The following PPP2R2A variants were observed in gnomAD, a reference collection of about 807,000 sequenced individuals.
The protein encoded by PPP2R2A is protein phosphatase 2 regulatory subunit Balpha, also known as serine/threonine-protein phosphatase 2A 55 kDa regulatory subunit B alpha isoform.
PPP2R2A carries 9 observed loss-of-function variants against 53.2 expected under a neutral mutation model. The observed-to-expected ratio is 0.17, with a 90% CI of 0.10 to 0.30. PPP2R2A has a LOEUF of 0.30. Ranked by LOEUF, PPP2R2A falls within the 10% of genes least tolerant of loss-of-function variation. The pLI, the probability that PPP2R2A is intolerant of heterozygous loss-of-function variation, is 1.00. For synonymous variants in PPP2R2A, 169 were observed against 174.2 expected, an observed-to-expected ratio of 0.97 and a Z score of 0.23; for missense variants, 235 against 534.6, an observed-to-expected ratio of 0.44 and a Z score of 5.53.
chr8:26,356,516 C>T (rs1804790965), intron 4 of PPP2R2A, among the ~76,000 whole-genome samples: 1 of 152,138 alleles, frequency 6.6e-6, no homozygotes, highest in Non-Finnish European at 1.5e-5. Context: ...ACAGTTTATT[C>T]CTGTCATATG....
At chr8:26,319,920 A>G (rs1039790518) in intron 2 of PPP2R2A, among the ~76,000 whole-genome samples, 4 of 152,086 alleles carry the variant, frequency 2.6e-5, no homozygotes, top group Non-Finnish European at 5.9e-5. Context: ...TTTTGATGCT[A>G]CTGTGAATGG....
chr8:26,316,579 G>A (rs1009405407), intron 2 of PPP2R2A, among the ~76,000 whole-genome samples: 8 of 152,142 alleles, frequency 5.3e-5, no homozygotes, highest in African/African-American at 1.9e-4. Flanking sequence ...ATTTGTCAAA[G>A]ACCTTTTGGG....
chr8:26,353,856 G>A (rs899849380), intron 3 of PPP2R2A, among the ~76,000 whole-genome samples: 5 of 152,192 alleles, frequency 3.3e-5, no homozygotes, highest in African/African-American at 1.2e-4. Flanking sequence ...GCTGGGTAGT[G>A]CTGAATATGG....
intron 3 of PPP2R2A, among the ~76,000 whole-genome samples, chr8:26,344,075 A>C (rs772441510): frequency 1.3e-5 from 2 of 152,102 alleles, no homozygotes; most frequent in Non-Finnish European, 2.9e-5. Context: ...TTAATAAGGA[A>C]GTGATTCTTC....
At chr8:26,309,285 A>G (rs1201215674) in intron 2 of PPP2R2A, among the ~76,000 whole-genome samples, 2 of 152,226 alleles carry the variant, frequency 1.3e-5, no homozygotes, top group African/African-American at 2.4e-5. Context: ...TCTCTATCAG[A>G]GTTCTTGGAT....
chr8:26,344,767 C>T (rs147799372), intron 3 of PPP2R2A, among the ~76,000 whole-genome samples: 2 of 152,112 alleles, frequency 1.3e-5, no homozygotes, highest in African/African-American at 2.4e-5. Flanking sequence ...TTTAAAATAT[C>T]GGCTCAATGG....
At chr8:26,364,312 G>A (rs1476517916) in intron 8 of PPP2R2A, among the ~76,000 whole-genome samples, 1 of 152,212 alleles carries the variant, frequency 6.6e-6, no homozygotes, top group Non-Finnish European at 1.5e-5. Context: ...AAGTCAAATG[G>A]ACTGGTGTTC....
intron 9 of PPP2R2A, 147 bp from the exon 10 acceptor site, chr8:26,369,987 A>G: frequency 1.4e-6 from 1 of 731,562 alleles, no homozygotes; most frequent in Non-Finnish European, 2.2e-6. Context: ...GGTTTATTCT[A>G]GTGATTGAGT....
chr8:26,361,298 G>A, intron 6 of PPP2R2A, 147 bp downstream of exon 6: 1 of 636,250 alleles, frequency 1.6e-6, no homozygotes, highest in South Asian at 4.0e-5. Flanking sequence ...TTGTAGATGA[G>A]TAATGAAATA....
At chr8:26,310,667 C>T (rs66951598) in intron 2 of PPP2R2A, among the ~76,000 whole-genome samples, 131 of 33,890 alleles carry the variant, frequency 3.9e-3, no homozygotes, top group African/African-American at 8.5e-3. Flanking sequence ...TTTTTTTTTT[C>T]CTTTTTTTTT....
Position 26,360,612 on chromosome 8 carries a change from C to A in PPP2R2A, c.459+331C>A. On this transcript the variant is annotated intron_variant, in intron 5 of 9. Transcript: ENST00000380737. The surrounding 1 kb of genome is among the most constrained non-coding windows in gnomAD (Gnocchi z 4.5). ...TCAAAAAAGTAGATACAGATCAAAT[C>A]TTCTAGTTGTAGCTAAAAAATACCA... 1 of 285,268 alleles carries A rather than the reference C, an allele frequency of 3.5e-6. No individual in the cohort carries two copies. Among genetic ancestry groups the A allele is most frequent in the Non-Finnish European group, 6.4e-6 (1 of 156,454 alleles). 17.7% of individuals were successfully genotyped at this position (285,268 alleles called of 1,614,324 possible).
intron 2 of PPP2R2A, among the ~76,000 whole-genome samples, chr8:26,324,678 C>T (rs188692770): frequency 6.7e-6 from 1 of 149,046 alleles, no homozygotes; most frequent in East Asian, 1.9e-4. Context: ...ATCCTCCAGA[C>T]TACAGAATGG....
chr8:26,322,806 G>C (rs1398845274), intron 2 of PPP2R2A, among the ~76,000 whole-genome samples: 2 of 152,118 alleles, frequency 1.3e-5, no homozygotes, highest in Non-Finnish European at 2.9e-5. Context: ...TTTCAACTTA[G>C]TTCAATTCCA....
At chr8:26,296,601 C>G (rs1801549169) in intron 2 of PPP2R2A, among the ~76,000 whole-genome samples, 1 of 152,246 alleles carries the variant, frequency 6.6e-6, no homozygotes, top group East Asian at 1.9e-4. Flanking sequence ...CCCCACATCT[C>G]TACTGTTACA....
At chr8:26,332,780 G>A (rs1165567671) in intron 2 of PPP2R2A, among the ~76,000 whole-genome samples, 1 of 152,164 alleles carries the variant, frequency 6.6e-6, no homozygotes, top group Non-Finnish European at 1.5e-5. Flanking sequence ...ATGTTGCTTG[G>A]CTCTAAATAT....
At chr8:26,348,956 G>C (rs1026426334) in intron 3 of PPP2R2A, among the ~76,000 whole-genome samples, 2 of 152,062 alleles carry the variant, frequency 1.3e-5, no homozygotes, top group Non-Finnish European at 2.9e-5. Context: ...TACTGTCAAT[G>C]TTTTCTCAGG....
In PPP2R2A at chr8:26,321,697, T is replaced by A. The variant is rs1192627684; in HGVS notation, c.83-17193T>A. On this transcript the variant is annotated intron_variant, in intron 2 of 9. Coordinates refer to ENST00000380737, the MANE Select transcript of PPP2R2A (RefSeq NM_002717.4). This position sits in a 1 kb window ranked among gnomAD's most constrained non-coding sequence, Gnocchi z 4.1. Reference sequence around the variant, plus strand: ...CCAGGCGCACGAGCTTGGAAGTAGATCTCCTCCTCCAGTCAGGCTTTCGGA... The same window carrying A: ...CCAGGCGCACGAGCTTGGAAGTAGAACTCCTCCTCCAGTCAGGCTTTCGGA... 6.6e-6 allele frequency among the ~76,000 whole-genome samples: 1 copy of A among 152,106 alleles called. No individual in the cohort carries two copies. Among genetic ancestry groups the A allele is most frequent in the African/African-American group, 2.4e-5 (1 of 41,418 alleles).
chr8:26,348,059 CT>C (rs893162645), intron 3 of PPP2R2A, among the ~76,000 whole-genome samples: 2 of 152,116 alleles, frequency 1.3e-5, no homozygotes, highest in Admixed American at 1.3e-4. Context: ...GACACTGACT[CT>C]TTTAAAATAC....
chr8:26,322,804 T>C (rs997990339), intron 2 of PPP2R2A, among the ~76,000 whole-genome samples: 2 of 152,176 alleles, frequency 1.3e-5, no homozygotes, highest in Admixed American at 1.3e-4. Context: ...GGTTTCAACT[T>C]AGTTCAATTC....
Sources: allele counts gnomAD v4.1 joint callset (sites outside exome capture counted in the v4.1 genomes callset), GRCh38; gene constraint gnomAD v4.1.1; non-coding constraint Gnocchi (gnomAD v3.1); transcripts MANE v1.5; gene names NCBI Gene and HGNC (gene_info 2026-07-23, HGNC 2026-07-21).